Variants in ZNF541 observed in about 807,000 individuals in gnomAD.
ZNF541 encodes zinc finger protein 541.
ZNF541 carries 23 observed loss-of-function variants against 123.5 expected under a neutral mutation model. The observed-to-expected ratio is 0.19, with a 90% CI of 0.13 to 0.26. ZNF541 has a LOEUF of 0.26. Among genes scored for constraint, ZNF541 ranks in the 10% least tolerant of loss-of-function variants. ZNF541 has a pLI of 1.00. For missense variants in ZNF541, 1,612 were observed against 1,789.9 expected (o/e 0.90, Z 1.79); for synonymous variants, 751 against 754.5 (o/e 1.00, Z 0.08).
intron 2 of ZNF541, among the ~76,000 whole-genome samples, chr19:47,556,412 A>AG (rs1280902841): frequency 6.6e-6 from 1 of 152,190 alleles, no homozygotes; most frequent in African/African-American, 2.4e-5. Context: ...GGTGGCCACT[A>AG]GCTCCATGTG....
chr19:47,531,550 T>G (rs1214349611), intron 12 of ZNF541, 92 bp downstream of exon 12: 2 of 1,005,330 alleles, frequency 2.0e-6, no homozygotes, highest in East Asian at 5.7e-5. Flanking sequence ...CCAGCTTCCA[T>G]CCGCTCTGAA....
chr19:47,523,323 C>T (rs372259337), intron 14 of ZNF541, among the ~76,000 whole-genome samples: 13 of 140,184 alleles, frequency 9.3e-5, no homozygotes, highest in African/African-American at 3.2e-4. Context: ...CCACCGCGCC[C>T]GGCGAGCGTC....
chr19:47,524,667 C>T (rs754586834), intron 14 of ZNF541, among the ~76,000 whole-genome samples: 4 of 149,250 alleles, frequency 2.7e-5, no homozygotes, highest in Non-Finnish European at 5.9e-5. Flanking sequence ...GAGATCGTAC[C>T]ACTGCACTCC....
chr19:47,523,987 T>C (rs937413000), intron 14 of ZNF541, among the ~76,000 whole-genome samples: 1 of 152,102 alleles, frequency 6.6e-6, no homozygotes, highest in Non-Finnish European at 1.5e-5. Context: ...GGGGAAAGTG[T>C]GTGCTGCTCC....
chr19:47,522,574 G>A lies in ZNF541; in HGVS notation c.3571-580C>T, dbSNP rs117120060. On this transcript the variant is annotated intron_variant, in intron 14 of 16. Coordinates refer to ENST00000391901, the MANE Select transcript of ZNF541 (RefSeq NM_001277075.3). ...CTTTGAGAGGCTGAGGCAGGAGGAC[G>A]ACTTGAGGTCAGGAGTTCAAGACCA... Among the ~76,000 whole-genome samples the A allele has an allele frequency of 9.9e-4, 151 of 152,216 alleles. 1 individual carries two copies. In the East Asian group the frequency reaches 0.026, roughly 27 times the overall value.
intron 4 of ZNF541, among the ~76,000 whole-genome samples, chr19:47,548,166 C>T (rs1408242645): frequency 1.3e-5 from 2 of 150,404 alleles, no homozygotes; most frequent in Non-Finnish European, 3.0e-5. Flanking sequence ...AAGCTGGGGC[C>T]GGGTGCGGTG....
intron 3 of ZNF541, among the ~76,000 whole-genome samples, chr19:47,553,278 G>A (rs1271831033): frequency 6.6e-6 from 1 of 151,726 alleles, no homozygotes. Flanking sequence ...TCACTCTGTT[G>A]CCCAGCCTGG....
chr19:47,521,409 G>A lies in ZNF541; in HGVS notation c.3888-32C>T, dbSNP rs1299744159. On this transcript the variant is annotated intron_variant, in intron 16 of 16. Coordinates refer to ENST00000391901, the MANE Select transcript of ZNF541 (RefSeq NM_001277075.3). The surrounding 1 kb of genome is among the most constrained non-coding windows in gnomAD (Gnocchi z 4.2). Reference sequence around the variant, plus strand: ...AGTCACCAGAGGACATGGGGTCAGAGCAGGGAGGAAGGGATCACAGGGGCT... The same window carrying A: ...AGTCACCAGAGGACATGGGGTCAGAACAGGGAGGAAGGGATCACAGGGGCT... The A allele has an allele frequency of 1.3e-6, 2 of 1,551,126 alleles. No individual in the cohort carries two copies. Among genetic ancestry groups the A allele is most frequent in the African/African-American group, 1.4e-5 (1 of 73,042 alleles).
In ZNF541 at chr19:47,571,401, A is replaced by G. The variant is rs746416990; in HGVS notation, c.-99+495T>C. Among the ~76,000 whole-genome samples the G allele has an allele frequency of 1.3e-4, 20 of 152,222 alleles. 1 individual carries two copies. Among genetic ancestry groups the G allele is most frequent in the Non-Finnish European group, 2.6e-4 (18 of 68,046 alleles). On this transcript the variant is annotated intron_variant, in intron 2 of 16. Transcript: ENST00000391901. ...AGGCATGAGCCACTGCGCCCAGCCT[A>G]CGCTGTCTTATTTAATTCTTAAATT...
chr19:47,568,950 G>A (rs550835019), intron 2 of ZNF541, among the ~76,000 whole-genome samples: 9 of 152,276 alleles, frequency 5.9e-5, no homozygotes, highest in Non-Finnish European at 8.8e-5. Flanking sequence ...GATTACAGGC[G>A]TGAGCCACTG....
Position 47,555,533 on chromosome 19 carries a change from C to T in ZNF541, c.307+17G>A, listed in dbSNP as rs369941190. On this transcript the variant is annotated intron_variant, in intron 3 of 16. Coordinates refer to ENST00000391901, the MANE Select transcript of ZNF541 (RefSeq NM_001277075.3). ...CGAACATCCTGCAGGGCCCTTCTAC[C>T]CAGGTGACAGCCTCACCTTGTAAGG... 1.3e-6 allele frequency: 2 copies of T among 1,520,362 alleles called. No individual in the cohort carries two copies. Among genetic ancestry groups the T allele is most frequent in the Non-Finnish European group, 1.8e-6 (2 of 1,128,992 alleles). The allele number at this position is 1,520,362 out of a possible 1,614,324, so 94.2% of individuals were successfully genotyped here.
At chr19:47,522,167 A>C (rs1056683661) in intron 14 of ZNF541, among the ~76,000 whole-genome samples, 173 bp from the exon 15 acceptor site, 9 of 152,310 alleles carry the variant, frequency 5.9e-5, no homozygotes, top group Non-Finnish European at 1.3e-4. Context: ...CCTGGGGACG[A>C]GGGCGTTCAA....
intron 3 of ZNF541, among the ~76,000 whole-genome samples, chr19:47,553,070 T>G (rs1970673589): frequency 6.6e-6 from 1 of 151,166 alleles, no homozygotes; most frequent in African/African-American, 2.4e-5. Flanking sequence ...GATTGCACCA[T>G]TACACTCTAA....
chr19:47,566,959 G>A (rs1356944010), intron 2 of ZNF541, among the ~76,000 whole-genome samples: 1 of 151,656 alleles, frequency 6.6e-6, no homozygotes, highest in Non-Finnish European at 1.5e-5. Context: ...GCTGAGGCAG[G>A]AGAATGGCAT....
intron 2 of ZNF541, among the ~76,000 whole-genome samples, chr19:47,564,302 A>G (rs939367729): frequency 6.6e-6 from 1 of 152,224 alleles, no homozygotes; most frequent in Non-Finnish European, 1.5e-5. Context: ...AGGCAAGCCA[A>G]AAGTCCAAAG....
chr19:47,536,771 C>T (rs1312483656), intron 9 of ZNF541, among the ~76,000 whole-genome samples: 1 of 151,976 alleles, frequency 6.6e-6, no homozygotes, highest in Non-Finnish European at 1.5e-5. Context: ...AAAAAAACCC[C>T]AAAAATTTCT....
rs755715828 is a variant in ZNF541 at position 47,521,648 on chromosome 19, A to G, written c.3718T>C (p.Cys1240Arg). The G allele has an allele frequency of 1.3e-6, 2 of 1,551,674 alleles. No individual in the cohort carries two copies. The highest frequency in any genetic ancestry group is 1.2e-5 in the South Asian group (1 of 84,048). Residue 1240 changes from cysteine (C) to arginine (R), a missense_variant, in exon 16 of 17, where the codon TGC (cysteine) becomes CGC (arginine). Transcript: ENST00000391901. This position sits in a 1 kb window ranked among gnomAD's most constrained non-coding sequence, Gnocchi z 4.2. The part of the protein sequence containing the change: ...EVERTEEKVP[C>R]SPRERPSHHP... ...TGGCTGGGTCTCTCCCGAGGGCTGCATGGGACCTGCAGAGGGAGCAAAAGT... is the reference window on the plus strand; with the variant it reads ...TGGCTGGGTCTCTCCCGAGGGCTGCGTGGGACCTGCAGAGGGAGCAAAAGT...
intron 14 of ZNF541, 87 bp from the exon 15 acceptor site, chr19:47,522,081 A>G (rs887544931): frequency 1.3e-6 from 2 of 1,508,084 alleles, no homozygotes; most frequent in African/African-American, 2.8e-5. Flanking sequence ...CCTCCTTTGG[A>G]AAGCCCTCCG....
chr19:47,572,121 G>A lies in ZNF541; in HGVS notation c.-245-79C>T, dbSNP rs534671149. On this transcript the variant is annotated intron_variant, in intron 1 of 16. Coordinates refer to ENST00000391901, the MANE Select transcript of ZNF541 (RefSeq NM_001277075.3). Reference sequence around the variant, plus strand: ...ACAAGAACAGAGATGTGAAAATGGAGAAGAGCAACAATTTTTGGAAGAAGG... The same window carrying A: ...ACAAGAACAGAGATGTGAAAATGGAAAAGAGCAACAATTTTTGGAAGAAGG... Among the ~76,000 whole-genome samples the A allele has an allele frequency of 4.6e-5, 7 of 152,370 alleles. No homozygotes were observed. In the East Asian group the frequency reaches 1.2e-3, roughly 25 times the overall value.
Sources: allele counts gnomAD v4.1 joint callset (sites outside exome capture counted in the v4.1 genomes callset), GRCh38; gene constraint gnomAD v4.1.1; non-coding constraint Gnocchi (gnomAD v3.1); transcripts MANE v1.5; gene names NCBI Gene and HGNC (gene_info 2026-07-23, HGNC 2026-07-21).